The following CAMKMT variants were observed in gnomAD, a reference collection of about 807,000 sequenced individuals.
CAMKMT encodes the protein CaM KMT.
Under a neutral mutation model 48.0 loss-of-function variants are expected in CAMKMT, and 53 were observed. The ratio of observed to expected loss-of-function variants is 1.10; its 90% CI spans 0.89 to 1.39. The LOEUF (loss-of-function observed/expected upper bound fraction) is 1.39. Ranked by LOEUF, CAMKMT falls within the 40% of genes most tolerant of loss-of-function variation. The pLI is 0.00. For synonymous variants in CAMKMT, 165 were observed against 152.3 expected, an observed-to-expected ratio of 1.08 and a Z score of -0.61; for missense variants, 428 against 402.7, an observed-to-expected ratio of 1.06 and a Z score of -0.54.
chr2:44,411,222 A>G (rs1044676137), intron 3 of CAMKMT, among the ~76,000 whole-genome samples: 1 of 152,190 alleles, frequency 6.6e-6, no homozygotes, highest in Non-Finnish European at 1.5e-5. Flanking sequence ...TAGGGTAGGT[A>G]TTTTTGTGAG....
intron 6 of CAMKMT, among the ~76,000 whole-genome samples, chr2:44,710,110 A>T (rs1287986379): frequency 1.3e-5 from 2 of 151,560 alleles, no homozygotes; most frequent in African/African-American, 4.8e-5. Flanking sequence ...CTTTTTTTAA[A>T]AAAAAAAACA....
chr2:44,712,215 T>A (rs1188983284), intron 6 of CAMKMT, among the ~76,000 whole-genome samples: 1 of 151,898 alleles, frequency 6.6e-6, no homozygotes, highest in Non-Finnish European at 1.5e-5. Context: ...TATTATAATC[T>A]CATAGTTTCC....
At chr2:44,634,800 C>CAAAAAGAAAA (rs537316717) in intron 3 of CAMKMT, among the ~76,000 whole-genome samples, 2 of 110,148 alleles carry the variant, frequency 1.8e-5, no homozygotes, top group African/African-American at 7.2e-5. Flanking sequence ...GAGGGCTAGC[C>CAAAAAGAAAA]AAAAAAAAAA....
At chr2:44,690,270 C>T (rs1459868270) in intron 3 of CAMKMT, among the ~76,000 whole-genome samples, 1 of 152,220 alleles carries the variant, frequency 6.6e-6, no homozygotes, top group African/African-American at 2.4e-5. Context: ...GATCTCTAGT[C>T]ATTGGATTTA....
At chr2:44,577,241 C>T (rs1235968902) in intron 3 of CAMKMT, among the ~76,000 whole-genome samples, 1 of 152,144 alleles carries the variant, frequency 6.6e-6, no homozygotes, top group Admixed American at 6.5e-5. Context: ...ACTTGCCATC[C>T]CAAAATATGT....
chr2:44,531,599 C>G lies in CAMKMT; in HGVS notation c.376+141294C>G, dbSNP rs181867375. On this transcript the variant is annotated intron_variant, in intron 3 of 10. Transcript: ENST00000378494. ...AATACTTTGTTCTGGTCATGTATCC[C>G]TTTTTTCATAGGGCTTTCCACTTTA... 1.0e-3 allele frequency among the ~76,000 whole-genome samples: 159 copies of G among 152,100 alleles called. 1 individual carries two copies. Among genetic ancestry groups the G allele is most frequent in the Non-Finnish European group, 1.7e-3 (118 of 67,964 alleles).
intron 3 of CAMKMT, among the ~76,000 whole-genome samples, chr2:44,669,577 T>C (rs1482579265): frequency 3.3e-5 from 5 of 152,188 alleles, no homozygotes; most frequent in Non-Finnish European, 7.4e-5. Flanking sequence ...CTTGGTGCTA[T>C]CTGACTTTTA....
intron 3 of CAMKMT, among the ~76,000 whole-genome samples, chr2:44,486,928 G>GT (rs1669244984): frequency 6.6e-6 from 1 of 152,186 alleles, no homozygotes. Flanking sequence ...ATGAATGTTT[G>GT]TAAGTCAGTC....
chr2:44,770,980 A>G (rs1441829381), intron 10 of CAMKMT, among the ~76,000 whole-genome samples: 2 of 152,238 alleles, frequency 1.3e-5, no homozygotes, highest in Non-Finnish European at 2.9e-5. Flanking sequence ...CCAGCGGAAA[A>G]GGGGAAGTGG....
intron 3 of CAMKMT, among the ~76,000 whole-genome samples, chr2:44,639,748 T>C (rs1673347238): frequency 6.6e-6 from 1 of 152,228 alleles, no homozygotes; most frequent in Admixed American, 6.5e-5. Flanking sequence ...TGGTTTCTTT[T>C]ATTCTGTTCA....
chr2:44,394,552 C>T (rs983685509), intron 3 of CAMKMT, among the ~76,000 whole-genome samples: 12 of 152,048 alleles, frequency 7.9e-5, no homozygotes, highest in African/African-American at 1.4e-4. Context: ...CTCAGCCTCC[C>T]GAGTAGCTGG....
intron 3 of CAMKMT, among the ~76,000 whole-genome samples, chr2:44,477,631 AT>A (rs1668755932): frequency 6.6e-6 from 1 of 152,196 alleles, no homozygotes; most frequent in South Asian, 2.1e-4. Flanking sequence ...GGTTGAGCAC[AT>A]TTAGCTTTTT....
intron 3 of CAMKMT, among the ~76,000 whole-genome samples, chr2:44,509,932 A>G (rs1670453590): frequency 6.6e-6 from 1 of 152,218 alleles, no homozygotes; most frequent in Non-Finnish European, 1.5e-5. Flanking sequence ...ACTGTGAATC[A>G]GAATAAACCT....
At chr2:44,675,673 T>A (rs1558788558) in intron 3 of CAMKMT, among the ~76,000 whole-genome samples, 1 of 152,218 alleles carries the variant, frequency 6.6e-6, no homozygotes, top group Non-Finnish European at 1.5e-5. Flanking sequence ...AAAATACACA[T>A]AATGTAAAAT....
chr2:44,408,437 T>A (rs547275056), intron 3 of CAMKMT, among the ~76,000 whole-genome samples: 154 of 152,292 alleles, frequency 1.0e-3, no homozygotes, highest in African/African-American at 3.6e-3. Context: ...GTTTCTTGTT[T>A]TTTATTGTTT....
At chr2:44,421,550 A>G (rs1188408319) in intron 3 of CAMKMT, among the ~76,000 whole-genome samples, 1 of 152,214 alleles carries the variant, frequency 6.6e-6, no homozygotes, top group African/African-American at 2.4e-5. Context: ...GAAGAAAATA[A>G]TTGAAACATA....
intron 3 of CAMKMT, among the ~76,000 whole-genome samples, chr2:44,608,665 C>G (rs1671435104): frequency 6.6e-6 from 1 of 152,112 alleles, no homozygotes; most frequent in Admixed American, 6.5e-5. Flanking sequence ...CTCTCTTTCT[C>G]TTTTTGACAA....
In CAMKMT at chr2:44,449,936, A is replaced by G. The variant is rs552326448; in HGVS notation, c.376+59631A>G. Among the ~76,000 whole-genome samples, 131 of 152,256 alleles carry G rather than the reference A, an allele frequency of 8.6e-4. 1 individual carries two copies. Among genetic ancestry groups the G allele is most frequent in the African/African-American group, 3.1e-3 (129 of 41,564 alleles). On this transcript the variant is annotated intron_variant, in intron 3 of 10. Transcript: ENST00000378494. The stretch of plus-strand genomic sequence containing the variant: ...TCACTATAACATTTGTGTTTATCAA[A>G]TAAGTTAAAGTATAGTAATTTTTAA...
rs73924783 is a variant in CAMKMT, at chr2:44,497,709, A to G, written c.376+107404A>G. ...GTAATTTAAAAAAATTAAGCAGGCA[A>G]AGAGAGAGAGAGAGAGAGAGAGAGA... On this transcript the variant is annotated intron_variant, in intron 3 of 10. Transcript: ENST00000378494. Among the ~76,000 whole-genome samples, 674 of 138,982 alleles carry G rather than the reference A, an allele frequency of 4.8e-3. 10 individuals are homozygous for G. Among genetic ancestry groups the G allele is most frequent in the African/African-American group, 0.017 (642 of 37,428 alleles). The allele number at this position is 138,982 out of a possible 152,430, so 91.2% of individuals were successfully genotyped here.
Sources: allele counts gnomAD v4.1 joint callset (sites outside exome capture counted in the v4.1 genomes callset), GRCh38; gene constraint gnomAD v4.1.1; transcripts MANE v1.5; gene names NCBI Gene and HGNC (gene_info 2026-07-23, HGNC 2026-07-21).